Variants in APBB2 observed in about 807,000 individuals in gnomAD.
APBB2 encodes Fe65-like 1.
APBB2 carries 38 observed loss-of-function variants against 82.5 expected under a neutral mutation model. That is an observed-to-expected ratio of 0.46 (90% CI 0.36 to 0.60). The LOEUF is 0.60. Ranked by LOEUF, APBB2 falls within the 20% of genes least tolerant of loss-of-function variation. The pLI, the probability that APBB2 is intolerant of heterozygous loss-of-function variation, is 0.00. For missense variants in APBB2, 772 were observed against 972.3 expected (o/e 0.79, Z 2.74); for synonymous variants, 341 against 368.2 (o/e 0.93, Z 0.85).
chr4:41,012,131 A>T (rs1808546678), intron 6 of APBB2, among the ~76,000 whole-genome samples: 1 of 152,234 alleles, frequency 6.6e-6, no homozygotes, highest in Admixed American at 6.5e-5. Context: ...CTGGGATTAC[A>T]GGCATGAGCC....
chr4:40,887,996 C>T (rs1433241972), intron 12 of APBB2, among the ~76,000 whole-genome samples: 3 of 152,154 alleles, frequency 2.0e-5, no homozygotes, highest in Non-Finnish European at 4.4e-5. Flanking sequence ...CTGGAACAGC[C>T]GCTCATCCTC....
At chr4:40,915,042 G>C (rs1260150391) in intron 10 of APBB2, among the ~76,000 whole-genome samples, 1 of 152,336 alleles carries the variant, frequency 6.6e-6, no homozygotes, top group East Asian at 1.9e-4. Flanking sequence ...TGGGCTAAAA[G>C]ATAACTCAGG....
At chr4:40,989,580 GCTAC>G (rs1217478728) in intron 6 of APBB2, among the ~76,000 whole-genome samples, 2 of 151,900 alleles carry the variant, frequency 1.3e-5, no homozygotes, top group African/African-American at 4.8e-5. Context: ...TTCCAAACTA[GCTAC>G]CTATTTGCTT....
At chr4:40,894,337 T>C (rs546150977) in intron 10 of APBB2, among the ~76,000 whole-genome samples, 1 of 152,006 alleles carries the variant, frequency 6.6e-6, no homozygotes, top group Admixed American at 6.5e-5. Context: ...ATACGGCTAA[T>C]GGATACAAAA....
chr4:40,886,457 G>T (rs957779508), intron 12 of APBB2, among the ~76,000 whole-genome samples: 1 of 152,032 alleles, frequency 6.6e-6, no homozygotes, highest in African/African-American at 2.4e-5. Context: ...TCCAGCCTGG[G>T]GAACAACAGT....
At chr4:40,874,659 G>C (rs1475092769) in intron 12 of APBB2, among the ~76,000 whole-genome samples, 2 of 152,102 alleles carry the variant, frequency 1.3e-5, no homozygotes, top group Admixed American at 6.6e-5. Context: ...CTGAAGGTTC[G>C]CCGTTAATGA....
chr4:40,894,806 T>C (rs1773192012), intron 10 of APBB2, among the ~76,000 whole-genome samples: 1 of 152,210 alleles, frequency 6.6e-6, no homozygotes, highest in South Asian at 2.1e-4. Context: ...GAGAAAAAAC[T>C]TCCCAGTGCA....
chr4:40,970,788 G>T (rs1795757196), intron 6 of APBB2, among the ~76,000 whole-genome samples: 2 of 152,074 alleles, frequency 1.3e-5, no homozygotes, highest in Non-Finnish European at 2.9e-5. Context: ...CCTGGAACCT[G>T]GCCAGTTTTA....
At chr4:41,051,775 C>T (rs1334702131) in intron 4 of APBB2, among the ~76,000 whole-genome samples, 1 of 152,210 alleles carries the variant, frequency 6.6e-6, no homozygotes, top group Non-Finnish European at 1.5e-5. Flanking sequence ...CCTTTATCAC[C>T]ACCACATATA....
chr4:40,832,008 T>TTATATATA lies in APBB2; in HGVS notation c.1530-1432_1530-1431insTATATATA, dbSNP rs140267757. Among the ~76,000 whole-genome samples the TTATATATA allele has an allele frequency of 1.4e-5, 1 of 73,566 alleles. No homozygotes were observed. Among genetic ancestry groups the TTATATATA allele is most frequent in the South Asian group, 4.6e-4 (1 of 2,158 alleles). The allele number at this position is 73,566 out of a possible 152,430, so 48.3% of individuals were successfully genotyped here. ...CACACACACATATTTATATATTTAT[T>TTATATATA]TATATACACACACACACACACACAC... On this transcript the variant is annotated intron_variant, in intron 12 of 17. Transcript: ENST00000508593. The surrounding 1 kb of genome is among the most constrained non-coding windows in gnomAD (Gnocchi z 4.8).
chr4:40,817,314 G>A (rs556564872), intron 17 of APBB2, among the ~76,000 whole-genome samples: 101 of 152,170 alleles, frequency 6.6e-4, no homozygotes, highest in African/African-American at 2.3e-3. Flanking sequence ...AGGCTGAGGC[G>A]GGAGGATTGC....
chr4:41,172,257 C>G (rs1256541044), intron 1 of APBB2, among the ~76,000 whole-genome samples: 2 of 151,664 alleles, frequency 1.3e-5, no homozygotes, highest in Non-Finnish European at 2.9e-5. Context: ...CCTAAGCCAG[C>G]TTCGATCATT....
chr4:41,132,922 T>G (rs1360660229), intron 2 of APBB2, among the ~76,000 whole-genome samples: 1 of 151,844 alleles, frequency 6.6e-6, no homozygotes, highest in African/African-American at 2.4e-5. Flanking sequence ...CTATCCCGAT[T>G]TTTTTTTAAA....
intron 2 of APBB2, among the ~76,000 whole-genome samples, chr4:41,111,744 A>C (rs1357634601): frequency 6.6e-6 from 1 of 152,218 alleles, no homozygotes; most frequent in Non-Finnish European, 1.5e-5. Context: ...ACTTAAAAGG[A>C]CTAGCCTTGG....
At chr4:41,070,359 G>C (rs993953671) in intron 3 of APBB2, among the ~76,000 whole-genome samples, 1 of 151,876 alleles carries the variant, frequency 6.6e-6, no homozygotes, top group Non-Finnish European at 1.5e-5. Flanking sequence ...GCCCAGACTG[G>C]AGTGCGGTGG....
At chr4:40,893,050 G>T (rs918958627) in intron 11 of APBB2, 3 of 433,970 alleles carry the variant, frequency 6.9e-6, no homozygotes, top group Admixed American at 4.4e-5. Flanking sequence ...ACTGAGAAAC[G>T]CTCTCTCTCC....
At chr4:41,046,951 C>T (rs1672013951) in intron 4 of APBB2, among the ~76,000 whole-genome samples, 1 of 152,188 alleles carries the variant, frequency 6.6e-6, no homozygotes, top group Non-Finnish European at 1.5e-5. Context: ...AATTTTGTCA[C>T]CTGTTAATTT....
At chr4:41,201,253 T>G (rs903830271) in intron 1 of APBB2, among the ~76,000 whole-genome samples, 3 of 152,112 alleles carry the variant, frequency 2.0e-5, no homozygotes, top group Admixed American at 6.5e-5. Flanking sequence ...CCCAAGCCTA[T>G]CAAACTGTAA....
intron 5 of APBB2, among the ~76,000 whole-genome samples, chr4:41,030,934 G>T (rs1372719247): frequency 6.6e-6 from 1 of 152,052 alleles, no homozygotes; most frequent in African/African-American, 2.4e-5. Context: ...TATAAATTCT[G>T]GTATGTTTGG....
Sources: gnomAD v4.1 joint callset for allele counts (sites outside exome capture counted in the v4.1 genomes callset) on GRCh38, gnomAD v4.1.1 for gene constraint, Gnocchi (gnomAD v3.1) non-coding constraint, MANE v1.5 for transcripts, NCBI Gene and HGNC (gene_info 2026-07-23, HGNC 2026-07-21) for gene names.